The following ENG variants were observed in gnomAD, a reference collection of about 807,000 sequenced individuals.
ENG encodes endoglin.
ENG carries 17 observed loss-of-function variants against 71.0 expected under a neutral mutation model. The observed-to-expected ratio is 0.24, with a 90% CI of 0.16 to 0.36. The LOEUF (loss-of-function observed/expected upper bound fraction) is 0.36. Ranked by LOEUF, ENG falls within the 10% of genes least tolerant of loss-of-function variation. The pLI is 1.00. For synonymous variants in ENG, 360 were observed against 366.9 expected, an observed-to-expected ratio of 0.98 and a Z score of 0.21; for missense variants, 749 against 868.3, an observed-to-expected ratio of 0.86 and a Z score of 1.73.
chr9:127,843,063 C>A, intron 2 of ENG, 31 bp downstream of exon 2: 1 of 1,613,264 alleles, frequency 6.2e-7, no homozygotes, highest in Non-Finnish European at 8.5e-7. Context: ...TTCCTCTGAG[C>A]CCCCACCCGA....
In ENG at chr9:127,838,489, C is replaced by T. The variant is rs1830955151; in HGVS notation, c.219+4605G>A. Among the ~76,000 whole-genome samples, 1 of 152,204 alleles carries T rather than the reference C, an allele frequency of 6.6e-6. No homozygotes were observed. Among genetic ancestry groups the T allele is most frequent in the Non-Finnish European group, 1.5e-5 (1 of 68,034 alleles). Reference sequence around the variant, plus strand: ...TAAGGTCCCTCCCGGCTCTCTCTCTCTGCCTGAGTGGTGTTGCCTGCCCCT... The same window carrying T: ...TAAGGTCCCTCCCGGCTCTCTCTCTTTGCCTGAGTGGTGTTGCCTGCCCCT... On this transcript the variant is annotated intron_variant, in intron 2 of 14. Coordinates refer to ENST00000373203, the MANE Select transcript of ENG (RefSeq NM_001114753.3). This position sits in a 1 kb window ranked among gnomAD's most constrained non-coding sequence, Gnocchi z 4.3.
At chr9:127,822,349 C>G (rs1048556810) in intron 8 of ENG, 2 of 152,092 alleles carry the variant, frequency 1.3e-5, no homozygotes, top group Non-Finnish European at 2.9e-5. Context: ...CTGGAGACAG[C>G]GAAGAGGTTG....
At chr9:127,835,667 G>T (rs780303919) in intron 2 of ENG, among the ~76,000 whole-genome samples, 1 of 152,160 alleles carries the variant, frequency 6.6e-6, no homozygotes, top group Admixed American at 6.6e-5. Flanking sequence ...TCCTACTGCT[G>T]CTCCGCCACT....
chr9:127,839,740 G>C (rs1830982733), intron 2 of ENG, among the ~76,000 whole-genome samples: 1 of 152,076 alleles, frequency 6.6e-6, no homozygotes, highest in South Asian at 2.1e-4. Flanking sequence ...ATTTTTAGTA[G>C]AGATGCGGTT....
At chr9:127,854,162 C>T (rs1461074934) in intron 1 of ENG, 127 bp downstream of exon 1, 1 of 974,078 alleles carries the variant, frequency 1.0e-6, no homozygotes, top group East Asian at 2.7e-5. Context: ...GTTGGTGACC[C>T]TCCAGAGCCC....
In ENG at chr9:127,845,254, G is replaced by C. The variant is rs145210350; in HGVS notation, c.68-2009C>G. Among the ~76,000 whole-genome samples, 159 of 152,324 alleles carry C rather than the reference G, an allele frequency of 1.0e-3. 1 individual carries two copies. Among genetic ancestry groups the C allele is most frequent in the African/African-American group, 3.2e-3 (134 of 41,576 alleles). On this transcript the variant is annotated intron_variant, in intron 1 of 14. Coordinates refer to ENST00000373203, the MANE Select transcript of ENG (RefSeq NM_001114753.3). The stretch of plus-strand genomic sequence containing the variant: ...GGAGGCTTCTTCTGAACCCTGGGCT[G>C]TCTGGAGCCTCACCGGCCTCCTTCC...
chr9:127,843,007 G>A, intron 2 of ENG, 87 bp downstream of exon 2: 2 of 1,600,968 alleles, frequency 1.2e-6, no homozygotes, highest in Non-Finnish European at 1.7e-6. Context: ...CACTGCCCCA[G>A]GGACAGCCAC....
At position 127,846,218 on chromosome 9, in the gene ENG, C is replaced by T. The variant is rs1482774575; in HGVS notation, c.68-2973G>A. 1.3e-5 allele frequency among the ~76,000 whole-genome samples: 2 copies of T among 152,180 alleles called. No homozygotes were observed. Among genetic ancestry groups the T allele is most frequent in the Non-Finnish European group, 2.9e-5 (2 of 68,028 alleles). On this transcript the variant is annotated intron_variant, in intron 1 of 14. Transcript: ENST00000373203. The surrounding 1 kb of genome is among the most constrained non-coding windows in gnomAD (Gnocchi z 5.5). ...TCTCCTGTCTCCAGTCCCTCTGACC[C>T]ACCAGCCCCCATGTTCTCCCCACCC... is the stretch of plus-strand genomic sequence containing the variant.
At chr9:127,835,283 G>A (rs553562611) in intron 2 of ENG, among the ~76,000 whole-genome samples, 157 of 152,370 alleles carry the variant, frequency 1.0e-3, no homozygotes, top group South Asian at 5.6e-3. Context: ...ACAGGCGTGA[G>A]CCACCATGCC....
chr9:127,843,297 T>C (rs779445206), intron 1 of ENG, 52 bp from the exon 2 acceptor site: 1 of 1,612,898 alleles, frequency 6.2e-7, no homozygotes, highest in South Asian at 1.1e-5. Flanking sequence ...GTGATGACAA[T>C]GACTCCTACT....
At chr9:127,843,684 CATACATAT>C (rs1831097507) in intron 1 of ENG, among the ~76,000 whole-genome samples, 1 of 26,972 alleles carries the variant, frequency 3.7e-5, no homozygotes, top group Admixed American at 5.8e-4. Flanking sequence ...TACATATATA[CATACATAT>C]ATACATATAT....
Position 127,815,906 on chromosome 9 carries a change from G to T in ENG, c.1852+37C>A, listed in dbSNP as rs768836999. The T allele has an allele frequency of 5.1e-6, 8 of 1,577,066 alleles. No individual in the cohort carries two copies. In the Admixed American group the frequency reaches 1.5e-4, roughly 29 times the overall value. On this transcript the variant is annotated intron_variant, in intron 14 of 14. Coordinates refer to ENST00000373203, the MANE Select transcript of ENG (RefSeq NM_001114753.3). ...TGGGCTCCCCCGGGTGGATGGAGGGGCCCGGCATGCTCACTGTGGGGGCCT... is the reference window on the plus strand; with the variant it reads ...TGGGCTCCCCCGGGTGGATGGAGGGTCCCGGCATGCTCACTGTGGGGGCCT...
chr9:127,853,953 A>G (rs1829089803), intron 1 of ENG, among the ~76,000 whole-genome samples: 1 of 152,168 alleles, frequency 6.6e-6, no homozygotes, highest in South Asian at 2.1e-4. Context: ...GGGAAACTCA[A>G]GGCCCAGAGA....
chr9:127,846,979 G>T lies in ENG; in HGVS notation c.68-3734C>A. The stretch of plus-strand genomic sequence containing the variant: ...ATCAAGAAAAACAGCTCTGGAGCCA[G>T]ATGGCCTGGATCAAATCCCAGCTCT... On this transcript the variant is annotated intron_variant, in intron 1 of 14. Transcript: ENST00000373203. This position sits in a 1 kb window ranked among gnomAD's most constrained non-coding sequence, Gnocchi z 5.5. The T allele has an allele frequency of 6.1e-6, 6 of 984,004 alleles. No individual in the cohort carries two copies. Among genetic ancestry groups the T allele is most frequent in the Non-Finnish European group, 7.2e-6 (6 of 828,626 alleles). 61.0% of individuals were successfully genotyped at this position (984,004 alleles called of 1,614,324 possible).
intron 4 of ENG, 87 bp from the exon 5 acceptor site, chr9:127,825,947 G>C: frequency 6.6e-7 from 1 of 1,519,878 alleles, no homozygotes; most frequent in East Asian, 2.5e-5. Context: ...AAAGATAGTG[G>C]TGGGGCAGGC....
intron 3 of ENG, among the ~76,000 whole-genome samples, chr9:127,827,973 G>A (rs1287178900): frequency 6.8e-6 from 1 of 146,452 alleles, no homozygotes; most frequent in Admixed American, 6.8e-5. Context: ...GAGGCGAGAT[G>A]GGGCCATTGC....
chr9:127,839,078 C>T (rs553227641), intron 2 of ENG, among the ~76,000 whole-genome samples: 2 of 152,282 alleles, frequency 1.3e-5, no homozygotes, highest in African/African-American at 4.8e-5. Flanking sequence ...CTGGCTTCTG[C>T]CTGGAATGCC....
At chr9:127,834,422 T>C (rs1356600827) in intron 2 of ENG, among the ~76,000 whole-genome samples, 1 of 146,692 alleles carries the variant, frequency 6.8e-6, no homozygotes, top group Non-Finnish European at 1.5e-5. Flanking sequence ...AATTTTTTCT[T>C]TTTTTGAGAT....
Position 127,815,954 on chromosome 9 carries a change from T to C in ENG, c.1841A>G (p.Tyr614Cys). The C allele has an allele frequency of 6.2e-7, 1 of 1,600,818 alleles. No individual in the cohort carries two copies. The highest frequency in any genetic ancestry group is 8.5e-7 in the Non-Finnish European group (1 of 1,174,498). The change falls in exon 14 of 15, where the codon TAC becomes TGC. Residue 614 changes from tyrosine to cysteine, a missense_variant. By Grantham distance (194) the Tyr-to-Cys change is radical. Coordinates refer to ENST00000373203, the MANE Select transcript of ENG (RefSeq NM_001114753.3). The stretch of plus-strand genomic sequence containing the variant: ...CCTGGGGTACTCACGCGTGTGCGAG[T>C]AGATGTACCAGAGTGCAGCAGTGAG... ...ALLTAALWYI[Y>C]SHTRSPSKRE...
Sources: gnomAD v4.1 joint callset for allele counts (sites outside exome capture counted in the v4.1 genomes callset) on GRCh38, gnomAD v4.1.1 for gene constraint, Gnocchi (gnomAD v3.1) non-coding constraint, MANE v1.5 for transcripts, NCBI Gene and HGNC (gene_info 2026-07-23, HGNC 2026-07-21) for gene names.